Variants in PTRH1 observed in about 807,000 individuals in gnomAD.
The protein encoded by PTRH1 is peptidyl-tRNA hydrolase 1 homolog, also known as peptidyl-tRNA hydrolase.
PTRH1 carries 13 observed loss-of-function variants against 15.7 expected under a neutral mutation model. That is an observed-to-expected ratio of 0.83 (90% CI 0.54 to 1.31). The LOEUF is 1.31. Ranked by LOEUF, PTRH1 falls within the 40% of genes most tolerant of loss-of-function variation. The pLI is 0.00. For synonymous variants in PTRH1, 139 were observed against 136.7 expected, an observed-to-expected ratio of 1.02 and a Z score of -0.12; for missense variants, 319 against 296.2, an observed-to-expected ratio of 1.08 and a Z score of -0.56.
At chr9:127,695,481 G>A in intron 1 of PTRH1, 1 of 235,724 alleles carries the variant, frequency 4.2e-6, no homozygotes, top group South Asian at 1.2e-4. Context: ...CTGACAAACT[G>A]CATCTGCCGC....
chr9:127,708,879 G>A (rs1842703535), downstream of PTRH1, among the ~76,000 whole-genome samples: 1 of 152,230 alleles, frequency 6.6e-6, no homozygotes, highest in African/African-American at 2.4e-5. Context: ...CAAAGACTTG[G>A]GATTGGAAAG....
chr9:127,709,966 GAGAATATATAC>G (rs1842726433), downstream of PTRH1, among the ~76,000 whole-genome samples: 1 of 152,172 alleles, frequency 6.6e-6, no homozygotes, highest in African/African-American at 2.4e-5. The surrounding 1 kb of genome is among the most constrained non-coding windows in gnomAD (Gnocchi z 4.7). Flanking sequence ...ACCTAGCCCA[GAGAATATATAC>G]AGTCCAGCTG....
chr9:127,703,844 C>G (rs1454125656), intron 1 of PTRH1, among the ~76,000 whole-genome samples: 3 of 152,224 alleles, frequency 2.0e-5, no homozygotes, highest in Non-Finnish European at 2.9e-5. Context: ...CATTCTCAAC[C>G]TGCCACACCT....
Position 127,715,227 on chromosome 9 carries a change from C to A in PTRH1, c.97-33G>T. 4 of 1,520,240 alleles carry A rather than the reference C, an allele frequency of 2.6e-6. No individual in the cohort carries two copies. The highest frequency in any genetic ancestry group is 2.5e-5 in the East Asian group (1 of 40,704). The allele number at this position is 1,520,240 out of a possible 1,614,324, so 94.2% of individuals were successfully genotyped here. ...CGGCACCAGGGAAACTGAGGCCCAA[C>A]AACTCTCGCCACCCCCGATCTCACA... On this transcript the variant is annotated intron_variant, in intron 1 of 4. Coordinates refer to ENST00000543175, the MANE Select transcript of PTRH1 (RefSeq NM_001002913.3). The surrounding 1 kb of genome is among the most constrained non-coding windows in gnomAD (Gnocchi z 5.8).
rs762728763 is a variant in PTRH1 at position 127,714,667 on chromosome 9, G to A, written c.352C>T (p.Leu118=). ...LFGLTAEEVY[L]VHDELDKPLG... ...GGCTTGTCCAGCTCATCATGCACCA[G>A]GTAGACTTCCTCGGCAGTCAGCCCA... The change falls in exon 3 of 5, where the codon CTG becomes TTG. Residue 118 remains leucine, a synonymous_variant. Transcript: ENST00000543175. 1.9e-5 allele frequency: 30 copies of A among 1,613,694 alleles called. No individual in the cohort carries two copies. The highest frequency in any genetic ancestry group is 2.5e-5 in the Non-Finnish European group (30 of 1,179,884).
chr9:127,714,758 G>A (rs1842887628), intron 2 of PTRH1, 56 bp from the exon 3 acceptor site: 1 of 1,429,920 alleles, frequency 7.0e-7, no homozygotes, highest in African/African-American at 1.4e-5. Context: ...GAGAGGCACT[G>A]TCCCGACTCC....
At chr9:127,704,505 C>CAAAAAAAAAAA (rs374789277) in intron 1 of PTRH1, among the ~76,000 whole-genome samples, 2 of 50,342 alleles carry the variant, frequency 4.0e-5, no homozygotes. Context: ...GACACTGTCT[C>CAAAAAAAAAAA]AAAAAAAAAA....
At chr9:127,709,629 G>C (rs763107425), downstream of PTRH1, 8 of 1,613,858 alleles carry the variant, frequency 5.0e-6, no homozygotes, top group East Asian at 1.8e-4. The surrounding 1 kb of genome is among the most constrained non-coding windows in gnomAD (Gnocchi z 4.7). Flanking sequence ...AGGCGCAGCT[G>C]GCCCAGGTGC....
chr9:127,697,362 A>G (rs1246494266), intron 1 of PTRH1, among the ~76,000 whole-genome samples: 1 of 152,192 alleles, frequency 6.6e-6, no homozygotes, highest in Non-Finnish European at 1.5e-5. Context: ...AGAAGTTTGT[A>G]AAACCAGCTG....
At chr9:127,714,945 G>A (rs762828987) in intron 2 of PTRH1, 30 bp downstream of exon 2, 2 of 345,138 alleles carry the variant, frequency 5.8e-6, no homozygotes, top group Admixed American at 7.4e-5. Context: ...CCCTTGGCCC[G>A]CCCGCCCACC....
downstream of PTRH1, chr9:127,709,384 A>G (rs199968046): frequency 1.8e-4 from 285 of 1,599,614 alleles, 3 homozygotes; most frequent in East Asian, 6.3e-3. This position sits in a 1 kb window ranked among gnomAD's most constrained non-coding sequence, Gnocchi z 4.7. Context: ...TGGCTTGCCC[A>G]GCCTGACCCC....
chr9:127,713,553 C>T (rs944638811), downstream of PTRH1: 12 of 235,184 alleles, frequency 5.1e-5, no homozygotes, highest in Non-Finnish European at 7.6e-5. Flanking sequence ...GTCACCCAGA[C>T]TGGAGTGCAG....
intron 1 of PTRH1, among the ~76,000 whole-genome samples, chr9:127,708,531 G>A (rs1053522092): frequency 6.6e-6 from 1 of 152,094 alleles, no homozygotes; most frequent in African/African-American, 2.4e-5. Context: ...AGTAACTTCA[G>A]TTACTCCATT....
rs907700859 is a variant in PTRH1, at chr9:127,705,045, GC to G, written c.206-9905del. 2.0e-5 allele frequency among the ~76,000 whole-genome samples: 3 copies of G among 152,152 alleles called. No individual in the cohort carries two copies. Among genetic ancestry groups the G allele is most frequent in the African/African-American group, 7.2e-5 (3 of 41,428 alleles). ...TTATAGGCATGAACCAGTGCACCTG[GC>G]CAAGGGCATGTTTAATGATGCCTGG... On this transcript the variant is annotated intron_variant, in intron 1 of 2. Coordinates refer to the PTRH1 transcript ENST00000335223. The surrounding 1 kb of genome is among the most constrained non-coding windows in gnomAD (Gnocchi z 4.7).
downstream of PTRH1, chr9:127,712,748 T>C (rs1301032182): frequency 6.2e-7 from 1 of 1,614,142 alleles, no homozygotes; most frequent in African/African-American, 1.3e-5. Flanking sequence ...TGACGTGACG[T>C]TCCAGCCATG....
chr9:127,702,996 C>T (rs1842615592), intron 1 of PTRH1, among the ~76,000 whole-genome samples: 1 of 151,162 alleles, frequency 6.6e-6, no homozygotes, highest in Non-Finnish European at 1.5e-5. Context: ...GCTGGGATTA[C>T]AGGTGTGAGC....
downstream of PTRH1, chr9:127,710,535 A>G: frequency 6.5e-7 from 1 of 1,537,936 alleles, no homozygotes; most frequent in Non-Finnish European, 8.8e-7. Flanking sequence ...GGCATCTTTA[A>G]GGTCCTCGCC....
At position 127,697,801 on chromosome 9, in the gene PTRH1, G is replaced by T. The variant is rs117897257; in HGVS notation, c.206-2660C>A. On this transcript the variant is annotated intron_variant, in intron 1 of 2. Coordinates refer to the PTRH1 transcript ENST00000335223. ...CAACTGGGCTGAATGGTGCTGAGCA[G>T]AATTTGAGTCTCCTCCTGGAGGGAG... Among the ~76,000 whole-genome samples, 401 of 152,360 alleles carry T rather than the reference G, an allele frequency of 2.6e-3. 11 individuals are homozygous for T. The East Asian group carries it at 0.059, about 22-fold the overall frequency.
At chr9:127,713,472 C>T, downstream of PTRH1, 2 of 437,774 alleles carry the variant, frequency 4.6e-6, no homozygotes, top group African/African-American at 4.2e-5. Flanking sequence ...CTGAAGAGGC[C>T]TCAGCTTCCA....
Sources: gnomAD v4.1 joint callset for allele counts (sites outside exome capture counted in the v4.1 genomes callset) on GRCh38, gnomAD v4.1.1 for gene constraint, Gnocchi (gnomAD v3.1) non-coding constraint, MANE v1.5 for transcripts, NCBI Gene and HGNC (gene_info 2026-07-23, HGNC 2026-07-21) for gene names.